Variants in COPB2 observed in about 807,000 individuals in gnomAD.
COPB2 encodes coatomer subunit beta'.
COPB2 carries 16 observed loss-of-function variants against 120.8 expected under a neutral mutation model. The observed-to-expected ratio is 0.13, with a 90% CI of 0.09 to 0.20. COPB2 has a LOEUF of 0.20. Among genes scored for constraint, COPB2 ranks in the 10% least tolerant of loss-of-function variants. COPB2 has a pLI of 1.00. For synonymous variants in COPB2, 332 were observed against 366.3 expected (o/e 0.91, Z 1.07); for missense variants, 794 against 1,076.5 (o/e 0.74, Z 3.67).
At chr3:139,381,189 A>G (rs1204854638) in intron 2 of COPB2, 2 of 152,258 alleles carry the variant, frequency 1.3e-5, no homozygotes, top group Admixed American at 1.3e-4. Flanking sequence ...AGCATGGTTA[A>G]AAGGCTTGCC....
At chr3:139,383,501 A>C (rs1941852677) in intron 1 of COPB2, 66 bp from the exon 2 acceptor site, 8 of 1,403,504 alleles carry the variant, frequency 5.7e-6, no homozygotes, top group African/African-American at 4.3e-5. Context: ...ATTTTAACTA[A>C]ATAAGTGCAT....
At chr3:139,366,913 C>T (rs1256891731) in intron 14 of COPB2, 102 bp downstream of exon 14, 3 of 1,503,098 alleles carry the variant, frequency 2.0e-6, no homozygotes, top group African/African-American at 2.8e-5. Context: ...CCTACTAAAA[C>T]TATAACACTG....
chr3:139,381,486 T>G (rs1219138654), intron 2 of COPB2: 3 of 152,152 alleles, frequency 2.0e-5, no homozygotes, highest in African/African-American at 7.2e-5. Flanking sequence ...TGACAGTGTA[T>G]CAGGTAGTGC....
At chr3:139,374,208 C>T (rs964368747) in intron 7 of COPB2, 1 of 445,632 alleles carries the variant, frequency 2.2e-6, no homozygotes, top group Admixed American at 3.8e-5. Context: ...GTTTGTTTGA[C>T]TCCAAAGCAC....
At position 139,357,563 on chromosome 3, in the gene COPB2, T is replaced by C. The variant is rs1214179170; in HGVS notation, c.*300A>G. On this transcript the variant is annotated 3_prime_UTR_variant, in exon 22 of 22. Coordinates refer to ENST00000333188, the MANE Select transcript of COPB2 (RefSeq NM_004766.3). Reference sequence around the variant, plus strand: ...TTCTAAAACTAGAAGCCTATTTTCATTATTGAGAAAGGAAACAAGTACCTT... The same window carrying C: ...TTCTAAAACTAGAAGCCTATTTTCACTATTGAGAAAGGAAACAAGTACCTT... 1 of 236,076 alleles carries C rather than the reference T, an allele frequency of 4.2e-6. No individual in the cohort carries two copies. The highest frequency in any genetic ancestry group is 8.1e-6 in the Non-Finnish European group (1 of 123,956). 14.6% of individuals were successfully genotyped at this position (236,076 alleles called of 1,614,324 possible).
intron 4 of COPB2, 35 bp from the exon 5 acceptor site, chr3:139,378,224 T>C (rs772914551): frequency 4.0e-6 from 6 of 1,504,628 alleles, no homozygotes; most frequent in Non-Finnish European, 4.5e-6. Context: ...TAGTTGTAAT[T>C]CTATTTTTTC....
At chr3:139,361,835 A>G (rs948946205) in intron 16 of COPB2, among the ~76,000 whole-genome samples, 1 of 152,222 alleles carries the variant, frequency 6.6e-6, no homozygotes, top group East Asian at 1.9e-4. Flanking sequence ...AAAGATCTAT[A>G]AAAATATCAT....
intron 2 of COPB2, chr3:139,382,297 C>G (rs1409075767): frequency 6.6e-6 from 1 of 152,196 alleles, no homozygotes; most frequent in Non-Finnish European, 1.5e-5. Context: ...CCACTTTGCT[C>G]TCTCTCTCCT....
At chr3:139,375,294 T>C (rs560144980) in intron 6 of COPB2, among the ~76,000 whole-genome samples, 174 bp downstream of exon 6, 1 of 152,244 alleles carries the variant, frequency 6.6e-6, no homozygotes, top group African/African-American at 2.4e-5. Context: ...AAAATCTTGA[T>C]ATGCATTGTT....
chr3:139,367,180 C>T (rs773184941), intron 13 of COPB2, 35 bp from the exon 14 acceptor site: 4 of 1,603,480 alleles, frequency 2.5e-6, no homozygotes, highest in East Asian at 4.5e-5. Flanking sequence ...TTACTTTATC[C>T]AACATCAGAA....
chr3:139,364,168 A>G (rs1406838735), intron 15 of COPB2, among the ~76,000 whole-genome samples: 4 of 152,324 alleles, frequency 2.6e-5, no homozygotes, highest in Non-Finnish European at 5.9e-5. Flanking sequence ...TAGAGAAAAC[A>G]GATCCTAAAT....
At chr3:139,360,053 CTG>C (rs763218604) in intron 17 of COPB2, among the ~76,000 whole-genome samples, 10 of 152,044 alleles carry the variant, frequency 6.6e-5, no homozygotes, top group Non-Finnish European at 1.5e-4. Flanking sequence ...ACAGTTATAA[CTG>C]TTTTCAGAAT....
intron 2 of COPB2, chr3:139,381,847 G>C (rs550959170): frequency 6.6e-6 from 1 of 150,706 alleles, no homozygotes; most frequent in African/African-American, 2.4e-5. Context: ...GGACACCAAC[G>C]TATCTGTTAA....
intron 5 of COPB2, among the ~76,000 whole-genome samples, chr3:139,376,966 G>C (rs1203968637): frequency 6.6e-6 from 1 of 152,192 alleles, no homozygotes; most frequent in African/African-American, 2.4e-5. Flanking sequence ...AGCCAGGATG[G>C]TCTCGATCTC....
At position 139,366,579 on chromosome 3, in the gene COPB2, A is replaced by G. The variant is rs1941520169; in HGVS notation, c.1873T>C (p.Leu625=). 1.2e-6 allele frequency: 2 copies of G among 1,607,364 alleles called. No individual in the cohort carries two copies. Among genetic ancestry groups the G allele is most frequent in the Non-Finnish European group, 8.5e-7 (1 of 1,176,992 alleles). ...ACAAAACCTCTTACCTGCTTTTCCAAAAAGTGTGCAACTCTGGTCCTCTGT... is the reference window on the plus strand; with the variant it reads ...ACAAAACCTCTTACCTGCTTTTCCAGAAAGTGTGCAACTCTGGTCCTCTGT... ...KEQRTRVAHF[L]EKQGFKQQAL... The change falls in exon 15 of 22, where the codon TTG becomes CTG. Residue 625 remains leucine, a synonymous_variant. Coordinates refer to ENST00000333188, the MANE Select transcript of COPB2 (RefSeq NM_004766.3).
Position 139,358,241 on chromosome 3 carries a change from G to C in COPB2, c.2584C>G (p.Pro862Ala), listed in dbSNP as rs1560011045. 6.8e-6 allele frequency: 11 copies of C among 1,614,114 alleles called. No individual in the cohort carries two copies. Among genetic ancestry groups the C allele is most frequent in the Non-Finnish European group, 8.5e-6 (10 of 1,180,008 alleles). Residue 862 changes from proline (P) to alanine (A), a missense_variant, in exon 21 of 22, where the codon CCG becomes GCG. Physicochemically the swap from Pro to Ala is conservative, Grantham distance 27. Around this residue, in one of 3 missense-constraint regions of COPB2, gnomAD observed 178 missense variants for 183.2 expected, o/e 0.97. Transcript: ENST00000333188. ...GCTGTGTGGGAGGCCACAATAACCG[G>C]AGTAGGAGAAGCAGGTTTCCCATCA... ...ELDGKPASPTPVIVASHTANK... is the reference protein window; with the variant it reads ...ELDGKPASPTAVIVASHTANK...
At chr3:139,372,760 C>T (rs922888150) in intron 9 of COPB2, among the ~76,000 whole-genome samples, 4 of 152,088 alleles carry the variant, frequency 2.6e-5, no homozygotes, top group African/African-American at 7.2e-5. Context: ...ACTGACAGTT[C>T]GAATTACAAA....
At chr3:139,361,346 C>G in intron 16 of COPB2, 51 bp from the exon 17 acceptor site, 1 of 1,525,000 alleles carries the variant, frequency 6.6e-7, no homozygotes, top group South Asian at 1.1e-5. Context: ...TAAGCATTTA[C>G]ATTTCCAACA....
intron 4 of COPB2, 64 bp from the exon 5 acceptor site, chr3:139,378,253 A>G: frequency 7.1e-7 from 1 of 1,410,156 alleles, no homozygotes; most frequent in Non-Finnish European, 9.5e-7. Flanking sequence ...ACTAAGACAC[A>G]GTCTTTAGAA....
Sources: allele counts gnomAD v4.1 joint callset (sites outside exome capture counted in the v4.1 genomes callset), GRCh38; gene constraint gnomAD v4.1.1; regional missense constraint gnomAD v4.1.1; transcripts MANE v1.5; gene names NCBI Gene and HGNC (gene_info 2026-07-23, HGNC 2026-07-21).